MTHFD1L: variants seen among roughly 807,000 people sequenced by gnomAD.
MTHFD1L encodes the protein methylenetetrahydrofolate dehydrogenase (NADP+ dependent) 1 like.
Under a neutral mutation model 119.5 loss-of-function variants are expected in MTHFD1L, and 81 were observed. The observed-to-expected ratio is 0.68, with a 90% CI of 0.57 to 0.82. The LOEUF (loss-of-function observed/expected upper bound fraction) is 0.82. Ranked by LOEUF, MTHFD1L falls within the 40% of genes least tolerant of loss-of-function variation. The pLI is 0.00. For missense variants in MTHFD1L, 1,125 were observed against 1,253.4 expected, an observed-to-expected ratio of 0.90 and a Z score of 1.55; for synonymous variants, 430 against 475.2, an observed-to-expected ratio of 0.90 and a Z score of 1.24.
In MTHFD1L at chr6:150,887,964, C is replaced by T. The variant is rs142599909; in HGVS notation, c.763C>T (p.Arg255Cys). The change falls in exon 7 of 28, where the codon CGC becomes TGC. Residue 255 changes from arginine to cysteine, a missense_variant. This residue lies in a region of MTHFD1L where 1,058 missense variants were observed against 1,151.2 expected (regional missense o/e 0.92). Coordinates refer to ENST00000367321, the MANE Select transcript of MTHFD1L (RefSeq NM_015440.5). ...SMTMSIQWKT[R>C]QLQSKLHEAD... ...GACAATGAGCATCCAGTGGAAAACA[C>T]GCCAGCTTCAAAGCAAGGTAAATTT... The T allele has an allele frequency of 8.9e-5, 143 of 1,602,798 alleles. No individual in the cohort carries two copies. The highest frequency in any genetic ancestry group is 1.7e-4 in the Middle Eastern group (1 of 6,010).
In MTHFD1L at chr6:150,968,701, A is replaced by T. The variant is rs559838263; in HGVS notation, c.2014-3246A>T. Among the ~76,000 whole-genome samples, 47 of 150,128 alleles carry T rather than the reference A, an allele frequency of 3.1e-4. No homozygotes were observed. The Middle Eastern group carries it at 0.014, about 46-fold the overall frequency. On this transcript the variant is annotated intron_variant, in intron 19 of 27. Coordinates refer to ENST00000367321, the MANE Select transcript of MTHFD1L (RefSeq NM_015440.5). ...ATTTTTGTATTTTTTTTTTAAGTAG[A>T]GATGGGGTTTCACCACGTTGGCCAG...
chr6:151,008,162 CA>C (rs912861678), intron 20 of MTHFD1L, among the ~76,000 whole-genome samples: 18 of 152,224 alleles, frequency 1.2e-4, no homozygotes, highest in African/African-American at 4.3e-4. Context: ...TGTTCAGTAA[CA>C]GGGGGAACAA....
At chr6:151,073,698 A>C (rs1346066281) in intron 26 of MTHFD1L, among the ~76,000 whole-genome samples, 2 of 152,096 alleles carry the variant, frequency 1.3e-5, no homozygotes, top group African/African-American at 4.8e-5. Context: ...TAAAAAAAAA[A>C]AACTCTTAAT....
At chr6:150,912,041 C>T (rs146706722) in intron 8 of MTHFD1L, among the ~76,000 whole-genome samples, 3 of 152,102 alleles carry the variant, frequency 2.0e-5, no homozygotes, top group Non-Finnish European at 4.4e-5. Context: ...CTTTTAAAAA[C>T]CAGATCTCAG....
At chr6:150,986,437 A>G (rs1778307458) in intron 20 of MTHFD1L, among the ~76,000 whole-genome samples, 3 of 152,182 alleles carry the variant, frequency 2.0e-5, no homozygotes, top group Admixed American at 6.5e-5. Context: ...CTGCTCCCCA[A>G]CCTTTTTGGC....
At chr6:150,929,014 C>A (rs1389831417) in intron 11 of MTHFD1L, among the ~76,000 whole-genome samples, 1 of 152,140 alleles carries the variant, frequency 6.6e-6, no homozygotes, top group East Asian at 1.9e-4. Context: ...CCCTTTCCAA[C>A]CTAGAACCCC....
intron 1 of MTHFD1L, among the ~76,000 whole-genome samples, chr6:150,870,771 C>G (rs949623163): frequency 1.6e-4 from 24 of 151,598 alleles, no homozygotes; most frequent in Non-Finnish European, 2.1e-4. Flanking sequence ...ATTAGCCAGG[C>G]ATGGTGGTGT....
intron 26 of MTHFD1L, among the ~76,000 whole-genome samples, chr6:151,075,390 A>T (rs574360784): frequency 9.2e-5 from 14 of 152,186 alleles, no homozygotes; most frequent in Non-Finnish European, 1.8e-4. Flanking sequence ...AGTACCAAGG[A>T]TATAAAAGAG....
intron 11 of MTHFD1L, among the ~76,000 whole-genome samples, chr6:150,928,829 C>T (rs987329463): frequency 1.3e-5 from 2 of 152,124 alleles, no homozygotes; most frequent in African/African-American, 4.8e-5. Flanking sequence ...CAGGTGTGAG[C>T]CATCATGCCC....
At chr6:150,894,077 T>TA (rs1205894802) in intron 7 of MTHFD1L, among the ~76,000 whole-genome samples, 1 of 152,020 alleles carries the variant, frequency 6.6e-6, no homozygotes, top group African/African-American at 2.4e-5. Flanking sequence ...ACTCCATCTC[T>TA]AAAAAAGTAC....
At chr6:151,099,820 A>G (rs1795212701) in intron 27 of MTHFD1L, 1 of 1,603,260 alleles carries the variant, frequency 6.2e-7, no homozygotes, top group Non-Finnish European at 8.5e-7. Context: ...TTGTGCCGAG[A>G]TCGCTCACAA....
At chr6:151,061,316 C>G (rs1203013476) in intron 26 of MTHFD1L, among the ~76,000 whole-genome samples, 1 of 152,158 alleles carries the variant, frequency 6.6e-6, no homozygotes, top group Non-Finnish European at 1.5e-5. Context: ...GTTCCTCCAG[C>G]ATTGAACTAT....
intron 8 of MTHFD1L, among the ~76,000 whole-genome samples, chr6:150,913,423 C>T (rs1787295313): frequency 6.6e-6 from 1 of 152,094 alleles, no homozygotes; most frequent in Admixed American, 6.5e-5. Flanking sequence ...ACTCGGCCTC[C>T]CAAAGTGCTG....
intron 27 of MTHFD1L, among the ~76,000 whole-genome samples, chr6:151,101,175 AT>A (rs997310828): frequency 6.2e-4 from 95 of 152,252 alleles, no homozygotes; most frequent in Middle Eastern, 3.4e-3. Context: ...TTAAAAAAAA[AT>A]TTTTTTAAAT....
At chr6:150,874,637 A>G (rs768166955) in intron 1 of MTHFD1L, among the ~76,000 whole-genome samples, 1 of 152,214 alleles carries the variant, frequency 6.6e-6, no homozygotes, top group Non-Finnish European at 1.5e-5. Context: ...CCTTTGGTCT[A>G]TTGTGAGAGG....
At chr6:150,924,316 G>A (rs1198537039) in intron 10 of MTHFD1L, among the ~76,000 whole-genome samples, 6 of 152,172 alleles carry the variant, frequency 3.9e-5, no homozygotes, top group Non-Finnish European at 7.3e-5. Context: ...CACTTCCTGA[G>A]TTCAAGCGAG....
Position 150,865,765 on chromosome 6 carries a change from C to T in MTHFD1L, c.-58C>T. On this transcript the variant is annotated 5_prime_UTR_variant, in exon 1 of 28. Coordinates refer to ENST00000367321, the MANE Select transcript of MTHFD1L (RefSeq NM_015440.5). ...CCGCCGCCTGCTCCCCTGGCACGCGCCCCGCCGCCCTCGGCAGCCGCAGCT... is the reference window on the plus strand; with the variant it reads ...CCGCCGCCTGCTCCCCTGGCACGCGTCCCGCCGCCCTCGGCAGCCGCAGCT... 1.6e-6 allele frequency: 2 copies of T among 1,219,822 alleles called. No homozygotes were observed. The highest frequency in any genetic ancestry group is 1.0e-6 in the Non-Finnish European group (1 of 977,462). 75.6% of individuals were successfully genotyped at this position (1,219,822 alleles called of 1,614,324 possible).
chr6:150,866,228 C>A, intron 1 of MTHFD1L, 179 bp downstream of exon 1: 2 of 1,383,514 alleles, frequency 1.4e-6, no homozygotes. Context: ...CGGCCGGGAG[C>A]GCTGGCGGAG....
At chr6:151,071,986 G>T (rs927677532) in intron 26 of MTHFD1L, among the ~76,000 whole-genome samples, 195 of 151,970 alleles carry the variant, frequency 1.3e-3, no homozygotes, top group African/African-American at 4.2e-3. Flanking sequence ...GGGATTCCAG[G>T]CACCCACCAC....
Sources: gnomAD v4.1 joint callset for allele counts (sites outside exome capture counted in the v4.1 genomes callset) on GRCh38, gnomAD v4.1.1 for gene constraint, gnomAD v4.1.1 regional missense constraint, MANE v1.5 for transcripts, NCBI Gene and HGNC (gene_info 2026-07-23, HGNC 2026-07-21) for gene names.